Variants in TTC7A observed in about 807,000 individuals in gnomAD.
The protein encoded by TTC7A is tetratricopeptide repeat domain 7A.
Under a neutral mutation model 103.7 loss-of-function variants are expected in TTC7A, and 110 were observed. The observed-to-expected ratio is 1.06, with a 90% CI of 0.91 to 1.24. The LOEUF is 1.24. Among genes scored for constraint, TTC7A ranks in the 50% most tolerant of loss-of-function variants. The pLI, the probability that TTC7A is intolerant of heterozygous loss-of-function variation, is 0.00. For synonymous variants in TTC7A, 521 were observed against 467.9 expected (o/e 1.11, Z -1.47); for missense variants, 1,340 against 1,116.3 (o/e 1.20, Z -2.86).
At position 47,075,508 on chromosome 2, in the gene TTC7A, T is replaced by G. The variant is rs931937164; in HGVS notation, c.*1585T>G. ...GCAGCAGAGGGCCAGGCCAAGTTGC[T>G]GACAGTGACTTTGCAGGTTGAATAA... is the stretch of plus-strand genomic sequence containing the variant. On this transcript the variant is annotated 3_prime_UTR_variant, in exon 20 of 20. Transcript: ENST00000319190. 1.3e-5 allele frequency: 2 copies of G among 152,228 alleles called. No homozygotes were observed. The highest frequency in any genetic ancestry group is 2.9e-5 in the Non-Finnish European group (2 of 68,046). 9.4% of individuals were successfully genotyped at this position (152,228 alleles called of 1,614,324 possible).
chr2:47,069,132 T>C (rs568516704), intron 19 of TTC7A, among the ~76,000 whole-genome samples: 1 of 152,012 alleles, frequency 6.6e-6, no homozygotes, highest in East Asian at 2.0e-4. Context: ...TGCTCCAGGA[T>C]GGGTAGAGGC....
chr2:47,071,486 C>G (rs1196947629), intron 19 of TTC7A, among the ~76,000 whole-genome samples: 2 of 152,196 alleles, frequency 1.3e-5, no homozygotes, highest in Non-Finnish European at 2.9e-5. Context: ...TGTCTGCCCC[C>G]GCGGTGATTT....
chr2:47,056,677 G>A (rs1683345444), intron 18 of TTC7A, among the ~76,000 whole-genome samples: 1 of 152,230 alleles, frequency 6.6e-6, no homozygotes, highest in Admixed American at 6.5e-5. Flanking sequence ...GGGAACAGAT[G>A]TTTTCCATTT....
Position 46,975,036 on chromosome 2 carries a change from AGG to A in TTC7A, c.582_583del (p.Glu195SerfsTer6). ...CGCTTCCGCCTGACAGAGAGGGAGG[AGG>A]AAGTGATCACCTGTTTTGAGAGGGC... On this transcript the variant is annotated frameshift_variant, in exon 4 of 20. Coordinates refer to ENST00000319190, the MANE Select transcript of TTC7A (RefSeq NM_020458.4). LOFTEE classifies it high-confidence loss of function. The A allele has an allele frequency of 6.2e-7, 1 of 1,614,020 alleles. No individual in the cohort carries two copies. Among genetic ancestry groups the A allele is most frequent in the South Asian group, 1.1e-5 (1 of 91,072 alleles).
At chr2:46,966,650 G>T (rs1572750796) in intron 3 of TTC7A, among the ~76,000 whole-genome samples, 5 of 144,072 alleles carry the variant, frequency 3.5e-5, no homozygotes, top group African/African-American at 2.6e-5. Context: ...GCTAAATTTT[G>T]TATACATCAC....
chr2:46,969,768 C>T (rs1475051252), intron 3 of TTC7A, among the ~76,000 whole-genome samples: 1 of 152,166 alleles, frequency 6.6e-6, no homozygotes, highest in Non-Finnish European at 1.5e-5. Flanking sequence ...CACTTGGCTA[C>T]GTGAATATGC....
chr2:47,065,306 T>A (rs1400663527), intron 19 of TTC7A, among the ~76,000 whole-genome samples: 2 of 152,078 alleles, frequency 1.3e-5, no homozygotes, highest in African/African-American at 4.8e-5. Context: ...AAAAATGAGG[T>A]AGCTTAGAAC....
At chr2:46,954,634 C>T (rs550013698) in intron 2 of TTC7A, among the ~76,000 whole-genome samples, 6 of 144,950 alleles carry the variant, frequency 4.1e-5, no homozygotes, top group South Asian at 4.3e-4. Flanking sequence ...TACAGTGGCA[C>T]GATCTTGGCT....
At chr2:46,976,745 A>C (rs192831161) in intron 4 of TTC7A, among the ~76,000 whole-genome samples, 2 of 152,306 alleles carry the variant, frequency 1.3e-5, no homozygotes, top group East Asian at 3.9e-4. Flanking sequence ...TGCCAGTAGC[A>C]CTATCCCCCT....
intron 3 of TTC7A, 53 bp downstream of exon 3, chr2:46,957,060 C>G (rs557108569): frequency 6.2e-7 from 1 of 1,607,432 alleles, no homozygotes; most frequent in Non-Finnish European, 8.5e-7. Context: ...GCTCGTTGCA[C>G]TCTGACTCCC....
At chr2:46,978,562 T>TAA (rs74444627) in intron 4 of TTC7A, among the ~76,000 whole-genome samples, 4 of 132,744 alleles carry the variant, frequency 3.0e-5, no homozygotes, top group Admixed American at 1.6e-4. Context: ...CCCTGTTTCT[T>TAA]AAAAAAAAAA....
Position 47,073,963 on chromosome 2 carries a change from G to A in TTC7A, c.*40G>A. On this transcript the variant is annotated 3_prime_UTR_variant, in exon 20 of 20. Transcript: ENST00000319190. ...CAGGGAGGGAGGGGCTGGCCAGAGG[G>A]AGAGGCAGCAGGGAACGTGGGTCAG... 2 of 1,562,338 alleles carry A rather than the reference G, an allele frequency of 1.3e-6. No individual in the cohort carries two copies. The highest frequency in any genetic ancestry group is 1.7e-6 in the Non-Finnish European group (2 of 1,145,354).
chr2:47,063,522 T>C (rs953426087), intron 19 of TTC7A, among the ~76,000 whole-genome samples: 2 of 152,224 alleles, frequency 1.3e-5, no homozygotes, highest in African/African-American at 4.8e-5. Flanking sequence ...AGGGATTCAT[T>C]GTAAAAATAG....
At chr2:47,041,050 G>C (rs971813629) in intron 15 of TTC7A, among the ~76,000 whole-genome samples, 5 of 152,166 alleles carry the variant, frequency 3.3e-5, no homozygotes, top group African/African-American at 1.2e-4. Flanking sequence ...TTTTGGCCTT[G>C]CCCAGTGACT....
At chr2:46,963,048 C>G (rs1672526823) in intron 3 of TTC7A, among the ~76,000 whole-genome samples, 1 of 152,226 alleles carries the variant, frequency 6.6e-6, no homozygotes, top group South Asian at 2.1e-4. Context: ...AGCAGCAGGC[C>G]TCAGGGCTCT....
intron 5 of TTC7A, among the ~76,000 whole-genome samples, chr2:46,985,645 A>G (rs992692604): frequency 6.6e-6 from 1 of 152,046 alleles, no homozygotes; most frequent in African/African-American, 2.4e-5. Flanking sequence ...GTCAGAGCTC[A>G]CAGGTGTAGA....
chr2:46,934,843 C>T (rs1165430105), intron 2 of TTC7A, among the ~76,000 whole-genome samples: 1 of 123,068 alleles, frequency 8.1e-6, no homozygotes, highest in East Asian at 2.6e-4. Context: ...GCTCTGTCGC[C>T]AGGCTGGAGT....
chr2:46,940,450 C>T (rs1393361588), upstream of TTC7A, among the ~76,000 whole-genome samples: 1 of 152,184 alleles, frequency 6.6e-6, no homozygotes. The surrounding 1 kb of genome is among the most constrained non-coding windows in gnomAD (Gnocchi z 4.7). Flanking sequence ...CTCGGCTGCC[C>T]CCGCTAGGCC....
At chr2:46,999,828 G>A (rs1449057770) in intron 8 of TTC7A, 8 of 985,296 alleles carry the variant, frequency 8.1e-6, no homozygotes, top group East Asian at 2.3e-4. Flanking sequence ...TTCAGCTGGC[G>A]AACAAGTTGC....
Sources: gnomAD v4.1 joint callset for allele counts (sites outside exome capture counted in the v4.1 genomes callset) on GRCh38, gnomAD v4.1.1 for gene constraint, Gnocchi (gnomAD v3.1) non-coding constraint, MANE v1.5 for transcripts, NCBI Gene and HGNC (gene_info 2026-07-23, HGNC 2026-07-21) for gene names.